MAPK10: variants seen among roughly 807,000 people sequenced by gnomAD.
MAPK10 encodes the protein mitogen-activated protein kinase 10.
A neutral mutation model predicts 59.3 loss-of-function variants in MAPK10; 25 were observed. The observed-to-expected ratio is 0.42, with a 90% confidence interval of 0.31 to 0.59. The LOEUF (loss-of-function observed/expected upper bound fraction) is 0.59. Ranked by LOEUF, MAPK10 falls within the 20% of genes least tolerant of loss-of-function variation. The pLI, the probability that MAPK10 is intolerant of heterozygous loss-of-function variation, is 0.15. For missense variants in MAPK10, 351 were observed against 568.9 expected (o/e 0.62, Z 3.90); for synonymous variants, 190 against 200.5 (o/e 0.95, Z 0.44).
intron 2 of MAPK10, among the ~76,000 whole-genome samples, chr4:86,273,594 T>A (rs2094493523): frequency 6.6e-6 from 1 of 151,990 alleles, no homozygotes; most frequent in Non-Finnish European, 1.5e-5. Context: ...CATCTAGGTC[T>A]GCTTTTTTAT....
upstream of MAPK10, among the ~76,000 whole-genome samples, chr4:86,360,651 T>C (rs868561953): frequency 2.0e-5 from 3 of 152,210 alleles, no homozygotes; most frequent in East Asian, 3.8e-4. Context: ...TTAATTTGAG[T>C]TAACACATCA....
At chr4:86,410,771 T>G (rs754785599) in intron 1 of MAPK10, among the ~76,000 whole-genome samples, 1 of 152,144 alleles carries the variant, frequency 6.6e-6, no homozygotes, top group Non-Finnish European at 1.5e-5. Context: ...TTTTTTATTG[T>G]GTCTATTTTG....
intron 2 of MAPK10, among the ~76,000 whole-genome samples, chr4:86,309,069 A>G (rs1272993896): frequency 6.6e-6 from 1 of 152,204 alleles, no homozygotes; most frequent in Non-Finnish European, 1.5e-5. Flanking sequence ...CAATCTTTAC[A>G]TTAAAATGGA....
intron 2 of MAPK10, among the ~76,000 whole-genome samples, chr4:86,351,555 A>G (rs935011205): frequency 3.9e-5 from 6 of 152,108 alleles, no homozygotes; most frequent in Non-Finnish European, 4.4e-5. Context: ...ATGCCCTACT[A>G]GCAATTCTTT....
At chr4:86,590,976 T>C (rs754335885) in intron 1 of MAPK10, among the ~76,000 whole-genome samples, 12 of 152,244 alleles carry the variant, frequency 7.9e-5, no homozygotes, top group Non-Finnish European at 1.6e-4. Context: ...TCTTGCTGTG[T>C]TGCCCAAGCT....
chr4:86,272,795 G>A (rs1450212801), intron 2 of MAPK10, among the ~76,000 whole-genome samples: 1 of 152,026 alleles, frequency 6.6e-6, no homozygotes, highest in East Asian at 1.9e-4. Flanking sequence ...GGTAGCCCAA[G>A]CCATAGGAGG....
chr4:86,188,899 G>T (rs1440658420), intron 3 of MAPK10, among the ~76,000 whole-genome samples: 2 of 152,152 alleles, frequency 1.3e-5, no homozygotes, highest in African/African-American at 4.8e-5. Flanking sequence ...TTACGTTTAA[G>T]TCTTTAATCC....
chr4:86,194,368 G>C lies in MAPK10; in HGVS notation c.34C>G (p.Pro12Ala). ...AAGGCAATTTTCACATCCAATGTTG[G>C]TTCACTGCAGTAGTATAAGAAATGG... The part of the protein sequence containing the change: ...SLHFLYYCSE[P>A]TLDVKIAFCQ... Residue 12 changes from proline (P) to alanine (A), a missense_variant, in exon 3 of 14, where the codon CCA becomes GCA. Around this residue, in one of 5 missense-constraint regions of MAPK10, gnomAD observed 61 missense variants for 58.4 expected, o/e 1.05. Coordinates refer to ENST00000641462, the MANE Select transcript of MAPK10 (RefSeq NM_138982.4). 5 of 1,612,966 alleles carry C rather than the reference G, an allele frequency of 3.1e-6. No individual in the cohort carries two copies. The highest frequency in any genetic ancestry group is 4.2e-6 in the Non-Finnish European group (5 of 1,179,036).
intron 1 of MAPK10, among the ~76,000 whole-genome samples, chr4:86,544,928 T>A (rs1398211615): frequency 6.6e-6 from 1 of 152,050 alleles, no homozygotes; most frequent in Non-Finnish European, 1.5e-5. Context: ...TCTTCAGACT[T>A]GCTTCCAAAG....
At chr4:86,332,212 A>G (rs533176965) in intron 2 of MAPK10, among the ~76,000 whole-genome samples, 1 of 152,360 alleles carries the variant, frequency 6.6e-6, no homozygotes, top group South Asian at 2.1e-4. Flanking sequence ...ATTTAAATGC[A>G]TATTACATTT....
intron 9 of MAPK10, chr4:86,090,887 A>C (rs1451299946): frequency 1.1e-4 from 16 of 152,130 alleles, no homozygotes; most frequent in Non-Finnish European, 2.4e-4. Context: ...GGACTTAGGA[A>C]ACATCTATTT....
At chr4:86,454,404 G>C (rs895577109), upstream of MAPK10, among the ~76,000 whole-genome samples, 1 of 152,092 alleles carries the variant, frequency 6.6e-6, no homozygotes, top group African/African-American at 2.4e-5. Context: ...CAATGAAATA[G>C]ACAGCATAAA....
At chr4:86,377,834 G>A (rs978427758) in intron 1 of MAPK10, among the ~76,000 whole-genome samples, 3 of 152,076 alleles carry the variant, frequency 2.0e-5, no homozygotes, top group Admixed American at 6.6e-5. Flanking sequence ...CTTGGAGTCC[G>A]ATGTTCGAGG....
intron 2 of MAPK10, among the ~76,000 whole-genome samples, chr4:86,222,642 A>C (rs2089885979): frequency 6.6e-6 from 1 of 152,254 alleles, no homozygotes; most frequent in Admixed American, 6.5e-5. Context: ...TAAAAATAAA[A>C]ATAAACCTTT....
intron 2 of MAPK10, among the ~76,000 whole-genome samples, chr4:86,305,229 T>A (rs1307899076): frequency 2.0e-5 from 3 of 152,206 alleles, no homozygotes; most frequent in Non-Finnish European, 4.4e-5. Context: ...ATATAATACA[T>A]ATAACTTGTG....
chr4:86,118,611 CACACAT>C (rs1225457741), intron 4 of MAPK10, among the ~76,000 whole-genome samples: 2 of 147,622 alleles, frequency 1.4e-5, no homozygotes, highest in South Asian at 2.1e-4. Flanking sequence ...CACACACACA[CACACAT>C]CTCTGAAGGC....
At chr4:86,228,007 G>A (rs1375648965) in intron 2 of MAPK10, among the ~76,000 whole-genome samples, 2 of 152,216 alleles carry the variant, frequency 1.3e-5, no homozygotes, top group Non-Finnish European at 2.9e-5. Context: ...AGGTCAGGAG[G>A]TGAGACGAAA....
intron 2 of MAPK10, among the ~76,000 whole-genome samples, chr4:86,249,015 C>T (rs2093273947): frequency 6.6e-6 from 1 of 152,134 alleles, no homozygotes; most frequent in Non-Finnish European, 1.5e-5. Context: ...TAGAACTAAT[C>T]TAAATCAGCA....
At chr4:86,387,941 T>C (rs1224094319) in intron 1 of MAPK10, among the ~76,000 whole-genome samples, 1 of 150,686 alleles carries the variant, frequency 6.6e-6, no homozygotes, top group Non-Finnish European at 1.5e-5. Flanking sequence ...TAAAAACTAT[T>C]TTAAAAATAT....
Sources: allele counts gnomAD v4.1 joint callset (sites outside exome capture counted in the v4.1 genomes callset), GRCh38; gene constraint gnomAD v4.1.1; regional missense constraint gnomAD v4.1.1; transcripts MANE v1.5; gene names NCBI Gene and HGNC (gene_info 2026-07-23, HGNC 2026-07-21).